The following SHB variants were observed in gnomAD, a reference collection of about 807,000 sequenced individuals.
The protein encoded by SHB is SH2 domain-containing adapter protein B.
SHB carries 20 observed loss-of-function variants against 52.3 expected under a neutral mutation model. The ratio of observed to expected loss-of-function variants is 0.38; its 90% CI spans 0.27 to 0.56. SHB has a LOEUF of 0.56. Among genes scored for constraint, SHB ranks in the 20% least tolerant of loss-of-function variants. SHB has a pLI of 0.71. For missense variants in SHB, 825 were observed against 723.3 expected (o/e 1.14, Z -1.61); for synonymous variants, 397 against 316.5 (o/e 1.25, Z -2.70).
intron 5 of SHB, among the ~76,000 whole-genome samples, chr9:37,935,925 G>GA (rs71896998): frequency 6.1e-5 from 9 of 148,468 alleles, no homozygotes; most frequent in Middle Eastern, 3.4e-3. Context: ...CCTCATTAAA[G>GA]AAAAAAAAAA....
chr9:37,936,138 C>T (rs1413890436), intron 5 of SHB, among the ~76,000 whole-genome samples: 2 of 151,894 alleles, frequency 1.3e-5, no homozygotes, highest in Non-Finnish European at 2.9e-5. Flanking sequence ...ATTGCTTGAA[C>T]TTGGGAGGCA....
intron 1 of SHB, among the ~76,000 whole-genome samples, chr9:38,064,974 A>C (rs951036690): frequency 6.6e-6 from 1 of 152,136 alleles, no homozygotes; most frequent in Non-Finnish European, 1.5e-5. Flanking sequence ...AAAAAAAATT[A>C]GCCAGGCGTG....
intron 1 of SHB, among the ~76,000 whole-genome samples, chr9:38,046,616 A>C (rs1821655516): frequency 6.6e-6 from 1 of 152,192 alleles, no homozygotes; most frequent in Admixed American, 6.5e-5. Flanking sequence ...TTAGGTGAAA[A>C]GGTGGGTGAT....
chr9:38,028,347 G>A (rs1056672807), intron 1 of SHB, among the ~76,000 whole-genome samples: 5 of 152,136 alleles, frequency 3.3e-5, no homozygotes, highest in African/African-American at 1.2e-4. Flanking sequence ...AGGCCTCAGG[G>A]GCAAGTCCAT....
intron 1 of SHB, among the ~76,000 whole-genome samples, chr9:38,037,785 C>T (rs924660479): frequency 1.3e-5 from 2 of 152,170 alleles, no homozygotes; most frequent in Non-Finnish European, 2.9e-5. Flanking sequence ...TGGGGCAGAT[C>T]CTGTGCTGGG....
chr9:37,990,484 A>T (rs148568969), intron 2 of SHB, among the ~76,000 whole-genome samples: 3 of 152,232 alleles, frequency 2.0e-5, no homozygotes, highest in Non-Finnish European at 4.4e-5. Flanking sequence ...AAATGGAATA[A>T]CATAAACACA....
chr9:37,939,339 G>T (rs985082869), intron 5 of SHB, among the ~76,000 whole-genome samples: 2 of 152,240 alleles, frequency 1.3e-5, no homozygotes, highest in African/African-American at 4.8e-5. Context: ...CTCAGCCTCT[G>T]CCCCTCCCTG....
At chr9:37,925,150 A>G (rs1587192570) in intron 5 of SHB, among the ~76,000 whole-genome samples, 1 of 151,700 alleles carries the variant, frequency 6.6e-6, no homozygotes, top group Non-Finnish European at 1.5e-5. Context: ...CCATCCATCC[A>G]CCCGCCCACC....
intron 2 of SHB, among the ~76,000 whole-genome samples, chr9:37,982,253 G>A (rs1820736830): frequency 6.6e-6 from 1 of 152,134 alleles, no homozygotes; most frequent in South Asian, 2.1e-4. Context: ...AGCGCTTTGG[G>A]AGGCCAAGGG....
At chr9:37,949,509 C>A (rs1271935406) in intron 4 of SHB, among the ~76,000 whole-genome samples, 1 of 152,002 alleles carries the variant, frequency 6.6e-6, no homozygotes, top group Non-Finnish European at 1.5e-5. Flanking sequence ...CAGAGAGGAG[C>A]TTTCTTGGTA....
At chr9:37,929,766 C>G (rs1832292505) in intron 5 of SHB, among the ~76,000 whole-genome samples, 1 of 152,216 alleles carries the variant, frequency 6.6e-6, no homozygotes. Context: ...TGTTCTTTCA[C>G]CACAGTCTCT....
intron 1 of SHB, among the ~76,000 whole-genome samples, chr9:38,060,013 T>A (rs970914012): frequency 6.6e-6 from 1 of 152,128 alleles, no homozygotes; most frequent in Admixed American, 6.5e-5. Flanking sequence ...GAGGGGACAT[T>A]TTACAAAGAG....
At chr9:37,984,790 T>A (rs1269933619) in intron 2 of SHB, among the ~76,000 whole-genome samples, 1 of 152,104 alleles carries the variant, frequency 6.6e-6, no homozygotes, top group Non-Finnish European at 1.5e-5. Context: ...TTTACCCCCA[T>A]CTAAACCATT....
At chr9:38,038,464 G>A (rs960007421) in intron 1 of SHB, among the ~76,000 whole-genome samples, 12 of 152,196 alleles carry the variant, frequency 7.9e-5, no homozygotes, top group Non-Finnish European at 1.8e-4. Flanking sequence ...TGGAGACTCT[G>A]GGACAGGGCC....
intron 2 of SHB, among the ~76,000 whole-genome samples, chr9:37,992,058 C>T (rs1820888266): frequency 1.3e-5 from 2 of 152,162 alleles, no homozygotes; most frequent in African/African-American, 4.8e-5. Flanking sequence ...TCCACTCCTC[C>T]CCTCCGGAGC....
chr9:38,027,893 G>T (rs540053134), intron 1 of SHB, among the ~76,000 whole-genome samples: 1 of 152,068 alleles, frequency 6.6e-6, no homozygotes, highest in Non-Finnish European at 1.5e-5. Context: ...AGGGCAGGGG[G>T]TGCCTCCTGG....
chr9:38,058,386 CA>C (rs1299355755), intron 1 of SHB, among the ~76,000 whole-genome samples: 1 of 152,214 alleles, frequency 6.6e-6, no homozygotes, highest in East Asian at 1.9e-4. Flanking sequence ...TGCTCGGGGC[CA>C]AAACCCTGCA....
chr9:37,961,395 C>A (rs1832690560), intron 3 of SHB, among the ~76,000 whole-genome samples: 1 of 152,166 alleles, frequency 6.6e-6, no homozygotes, highest in Non-Finnish European at 1.5e-5. Context: ...TCAGAGCTGG[C>A]CAGAGAGTAA....
rs1832629703 is a variant in SHB at position 37,956,120 on chromosome 9, G to A, written c.1055-66C>T. Reference sequence around the variant, plus strand: ...GCCCAGGGAGCTACTGTGAGGCACAGAAGGGTAACGTTCAGCTGGTCTAGT... The same window carrying A: ...GCCCAGGGAGCTACTGTGAGGCACAAAAGGGTAACGTTCAGCTGGTCTAGT... On this transcript the variant is annotated intron_variant, in intron 3 of 5. Coordinates refer to ENST00000377707, the MANE Select transcript of SHB (RefSeq NM_003028.3). 2.8e-6 allele frequency: 4 copies of A among 1,447,658 alleles called. No homozygotes were observed. The East Asian group carries it at 7.5e-5, about 27-fold the overall frequency. The allele number at this position is 1,447,658 out of a possible 1,614,324, so 89.7% of individuals were successfully genotyped here. A position where few individuals can be genotyped will look rare whatever the true frequency, so the allele number is the denominator to read the frequency against.
Sources: allele counts gnomAD v4.1 joint callset (sites outside exome capture counted in the v4.1 genomes callset), GRCh38; gene constraint gnomAD v4.1.1; transcripts MANE v1.5; gene names NCBI Gene and HGNC (gene_info 2026-07-23, HGNC 2026-07-21).